RAB11FIP4: variants seen among roughly 807,000 people sequenced by gnomAD.
The protein encoded by RAB11FIP4 is RAB11 family interacting protein 4, also known as rab11 family-interacting protein 4.
Under a neutral mutation model 74.3 loss-of-function variants are expected in RAB11FIP4, and 23 were observed. The ratio of observed to expected loss-of-function variants is 0.31; its 90% CI spans 0.22 to 0.44. RAB11FIP4 has a LOEUF of 0.44. RAB11FIP4 is among the 20% of genes least tolerant of loss of function. The pLI is 1.00. For missense variants in RAB11FIP4, 630 were observed against 863.9 expected, an observed-to-expected ratio of 0.73 and a Z score of 3.39; for synonymous variants, 360 against 359.9, an observed-to-expected ratio of 1.00 and a Z score of 0.00.
chr17:31,459,987 G>A (rs929105654), intron 3 of RAB11FIP4, among the ~76,000 whole-genome samples: 12 of 152,122 alleles, frequency 7.9e-5, no homozygotes, highest in East Asian at 1.9e-4. Flanking sequence ...CCTGCCTTGC[G>A]GTCACTCCCG....
chr17:31,464,749 CTTTTTTTTT>C lies in RAB11FIP4; in HGVS notation c.336+30648_336+30656del, dbSNP rs58083480. 9.3e-4 allele frequency among the ~76,000 whole-genome samples: 37 copies of C among 39,640 alleles called. No homozygotes were observed. In the South Asian group the frequency reaches 0.032, roughly 34 times the overall value. The allele number at this position is 39,640 out of a possible 152,430, so 26.0% of individuals were successfully genotyped here. A position where few individuals can be genotyped will look rare whatever the true frequency, so the allele number is the denominator to read the frequency against. ...TACAGGCATGAGCCACTGTGCCCGG[CTTTTTTTTT>C]TTTTTTTTTTTTTTTTTTTTGAGAC... On this transcript the variant is annotated intron_variant, in intron 3 of 14. Transcript: ENST00000621161.
intron 3 of RAB11FIP4, among the ~76,000 whole-genome samples, chr17:31,510,386 G>T (rs560380303): frequency 2.6e-5 from 4 of 152,232 alleles, no homozygotes; most frequent in Non-Finnish European, 5.9e-5. Flanking sequence ...CCTTCCCAGC[G>T]GCAGCGCTGC....
intron 3 of RAB11FIP4, among the ~76,000 whole-genome samples, chr17:31,456,404 A>G (rs1414864591): frequency 1.3e-5 from 2 of 152,056 alleles, no homozygotes; most frequent in African/African-American, 2.4e-5. Context: ...ACGGGCTTTC[A>G]CCATGTTGCC....
intron 3 of RAB11FIP4, among the ~76,000 whole-genome samples, chr17:31,500,139 C>T (rs1476498420): frequency 6.6e-6 from 1 of 152,144 alleles, no homozygotes; most frequent in Non-Finnish European, 1.5e-5. Flanking sequence ...ATTCTTGGGA[C>T]AGTCACACCC....
At chr17:31,419,791 C>T (rs1287744255) in intron 1 of RAB11FIP4, among the ~76,000 whole-genome samples, 1 of 152,034 alleles carries the variant, frequency 6.6e-6, no homozygotes, top group Admixed American at 6.6e-5. Context: ...ATCTCATGAT[C>T]CGCCCACCTC....
intron 1 of RAB11FIP4, among the ~76,000 whole-genome samples, chr17:31,403,336 T>C (rs554150869): frequency 1.6e-4 from 24 of 151,878 alleles, no homozygotes; most frequent in Admixed American, 3.9e-4. Context: ...TTCTTTTTTT[T>C]TTTTGAGATG....
At chr17:31,459,248 AT>A (rs1428143238) in intron 3 of RAB11FIP4, among the ~76,000 whole-genome samples, 1 of 152,084 alleles carries the variant, frequency 6.6e-6, no homozygotes, top group Non-Finnish European at 1.5e-5. Context: ...CTGTTCAGGG[AT>A]CCTGGGAGTA....
chr17:31,437,113 C>T lies in RAB11FIP4; in HGVS notation c.336+2991C>T, dbSNP rs929490503. Among the ~76,000 whole-genome samples the T allele has an allele frequency of 2.4e-4, 36 of 152,202 alleles. 1 individual carries two copies. The highest frequency in any genetic ancestry group is 2.0e-3 in the Admixed American group (30 of 15,272). On this transcript the variant is annotated intron_variant, in intron 3 of 14. Transcript: ENST00000621161. ...TTCTGCCCTCCATGGAGGTCTGGCC[C>T]CGGCTTGGTTGGCCAGAGCCTAGTG...
intron 1 of RAB11FIP4, chr17:31,431,439 G>C (rs1239634574): frequency 5.0e-6 from 1 of 201,904 alleles, no homozygotes; most frequent in Non-Finnish European, 9.9e-6. Flanking sequence ...AAGAGAAATG[G>C]TGGGATTTCT....
Position 31,530,407 on chromosome 17 carries a change from T to C in RAB11FIP4, c.1735T>C (p.Phe579Leu). The part of the protein sequence containing the change: ...SLSLYEAKNL[F>L]AAQTKAQSLA... Reference sequence around the variant, plus strand: ...CAGCCTCTACGAAGCAAAAAACCTCTTTGCTGCCCAGACTAAAGCCCAGTC... The same window carrying C: ...CAGCCTCTACGAAGCAAAAAACCTCCTTGCTGCCCAGACTAAAGCCCAGTC... Residue 579 changes from phenylalanine (F) to leucine (L), a missense_variant, in exon 14 of 15, where the codon TTT (phenylalanine) becomes CTT (leucine). Phe to Leu is a conservative substitution (Grantham distance 22, BLOSUM62 0). Coordinates refer to ENST00000621161, the MANE Select transcript of RAB11FIP4 (RefSeq NM_032932.6). 1 of 1,614,168 alleles carries C rather than the reference T, an allele frequency of 6.2e-7. No individual in the cohort carries two copies. The highest frequency in any genetic ancestry group is 8.5e-7 in the Non-Finnish European group (1 of 1,180,020).
At chr17:31,467,030 G>A (rs1245786733) in intron 3 of RAB11FIP4, among the ~76,000 whole-genome samples, 1 of 152,128 alleles carries the variant, frequency 6.6e-6, no homozygotes, top group Non-Finnish European at 1.5e-5. Flanking sequence ...TTCCCTGTCT[G>A]GAGAAGAAAA....
rs1275244252 is a variant in RAB11FIP4, at chr17:31,505,484, T to TA, written c.337-12166dup. On this transcript the variant is annotated intron_variant, in intron 3 of 14. Transcript: ENST00000621161. The stretch of plus-strand genomic sequence containing the variant: ...ATAACATATAATAATAATTATAATA[T>TA]ATAATATATAATTATTATATTATAT... Among the ~76,000 whole-genome samples, 57 of 88,926 alleles carry TA rather than the reference T, an allele frequency of 6.4e-4. 1 individual carries two copies. Among genetic ancestry groups the TA allele is most frequent in the African/African-American group, 2.8e-3 (52 of 18,558 alleles). The allele number at this position is 88,926 out of a possible 152,430, so 58.3% of individuals were successfully genotyped here.
At chr17:31,487,308 C>T (rs1004747478) in intron 3 of RAB11FIP4, among the ~76,000 whole-genome samples, 1 of 152,074 alleles carries the variant, frequency 6.6e-6, no homozygotes, top group Non-Finnish European at 1.5e-5. Context: ...TTTGTAGAGA[C>T]GAGATGTCGC....
In RAB11FIP4 at chr17:31,397,545, G is replaced by A. The variant is rs139535820; in HGVS notation, c.159+5534G>A. On this transcript the variant is annotated intron_variant, in intron 1 of 14. Transcript: ENST00000621161. Reference sequence around the variant, plus strand: ...CTGGCACATCAGAAGGAAGGCCCAGGTGCCCTGAGCCTGGCAGAAAAGGTG... The same window carrying A: ...CTGGCACATCAGAAGGAAGGCCCAGATGCCCTGAGCCTGGCAGAAAAGGTG... Among the ~76,000 whole-genome samples the A allele has an allele frequency of 2.6e-5, 4 of 152,304 alleles. No homozygotes were observed. In the East Asian group the frequency reaches 7.7e-4, roughly 29 times the overall value.
chr17:31,410,009 A>G (rs557629865), intron 1 of RAB11FIP4, among the ~76,000 whole-genome samples: 2 of 152,270 alleles, frequency 1.3e-5, no homozygotes, highest in Middle Eastern at 3.4e-3. Flanking sequence ...TGCCGGCTCT[A>G]TGACCTGGGA....
rs1330720323 is a variant in RAB11FIP4, at chr17:31,402,788, AT to A, written c.159+10787del. Reference sequence around the variant, plus strand: ...AGGCGCCCACCATCACTCCTGGCTAATTTTTTTTTTGTATTTTTAGTAGAGA... The same window carrying A: ...AGGCGCCCACCATCACTCCTGGCTAATTTTTTTTTGTATTTTTAGTAGAGA... On this transcript the variant is annotated intron_variant, in intron 1 of 14. Transcript: ENST00000621161. Among the ~76,000 whole-genome samples the A allele has an allele frequency of 3.0e-3, 439 of 147,174 alleles. 1 individual carries two copies. Among genetic ancestry groups the A allele is most frequent in the African/African-American group, 9.3e-3 (375 of 40,192 alleles).
chr17:31,462,195 G>A (rs2071640156), intron 3 of RAB11FIP4, among the ~76,000 whole-genome samples: 1 of 152,066 alleles, frequency 6.6e-6, no homozygotes. Context: ...GAACCTGGGA[G>A]GCAGAGGTTG....
intron 3 of RAB11FIP4, among the ~76,000 whole-genome samples, chr17:31,506,734 A>G (rs978081562): frequency 6.6e-6 from 1 of 152,210 alleles, no homozygotes; most frequent in African/African-American, 2.4e-5. Context: ...TTATGGCTGA[A>G]TACTATTCCA....
chr17:31,506,598 A>T lies in RAB11FIP4; in HGVS notation c.337-11053A>T, dbSNP rs376746786. On this transcript the variant is annotated intron_variant, in intron 3 of 14. Coordinates refer to ENST00000621161, the MANE Select transcript of RAB11FIP4 (RefSeq NM_032932.6). ...CCATTCTACTTTCTACTTCTATGGG[A>T]TAACTTCTTTAGATTCTACATAGGA... is the stretch of plus-strand genomic sequence containing the variant. Among the ~76,000 whole-genome samples, 11 of 152,254 alleles carry T rather than the reference A, an allele frequency of 7.2e-5. No homozygotes were observed. In the South Asian group the frequency reaches 2.3e-3, roughly 32 times the overall value.
Sources: allele counts gnomAD v4.1 joint callset (sites outside exome capture counted in the v4.1 genomes callset), GRCh38; gene constraint gnomAD v4.1.1; transcripts MANE v1.5; gene names NCBI Gene and HGNC (gene_info 2026-07-23, HGNC 2026-07-21).